Variants in GNPTAB observed in about 807,000 individuals in gnomAD.
GNPTAB encodes the protein N-acetylglucosamine-1-phosphotransferase subunits alpha/beta.
Under a neutral mutation model 136.6 loss-of-function variants are expected in GNPTAB, and 92 were observed. The ratio of observed to expected loss-of-function variants is 0.67; its 90% CI spans 0.57 to 0.80. The LOEUF (loss-of-function observed/expected upper bound fraction) is 0.80, where lower values mean the gene tolerates loss of function less well. Among genes scored for constraint, GNPTAB ranks in the 30% least tolerant of loss-of-function variants. The pLI is 0.00. For synonymous variants in GNPTAB, 512 were observed against 535.1 expected, an observed-to-expected ratio of 0.96 and a Z score of 0.60; for missense variants, 1,343 against 1,501.8, an observed-to-expected ratio of 0.89 and a Z score of 1.75.
Position 101,764,777 on chromosome 12 carries a change from A to G in GNPTAB, c.2140T>C (p.Leu714=), listed in dbSNP as rs761690839. Residue 714 remains leucine, a synonymous_variant, in exon 13 of 21, where the codon TTG becomes CTG. Transcript: ENST00000299314. ...TCTCCATGTTCCAGTTGCAAATCCAAGGTATTGAGACTCAACTGGGCGTCT... is the reference window on the plus strand; with the variant it reads ...TCTCCATGTTCCAGTTGCAAATCCAGGGTATTGAGACTCAACTGGGCGTCT... ...PKDAQLSLNT[L]DLQLEHGDIT... 29 of 1,614,186 alleles carry G rather than the reference A, an allele frequency of 1.8e-5. No individual in the cohort carries two copies. The highest frequency in any genetic ancestry group is 2.4e-5 in the Non-Finnish European group (28 of 1,180,020).
chr12:101,765,739 C>A (rs1222819066), intron 12 of GNPTAB: 2 of 354,168 alleles, frequency 5.6e-6, no homozygotes, highest in Non-Finnish European at 1.1e-5. Flanking sequence ...AAACAAACTC[C>A]ATTAATACGC....
At position 101,746,906 on chromosome 12, in the gene GNPTAB, A is replaced by C; in HGVS notation, c.*258T>G. On this transcript the variant is annotated 3_prime_UTR_variant, in exon 21 of 21. Transcript: ENST00000299314. ...GTCTCTTGTCAGTGAGCCTTTTTAT[A>C]AAAAGGATGACAGGTCCATGAGCAA... The C allele has an allele frequency of 2.4e-6, 1 of 416,072 alleles. No homozygotes were observed. Among genetic ancestry groups the C allele is most frequent in the Non-Finnish European group, 4.4e-6 (1 of 227,700 alleles). The allele number at this position is 416,072 out of a possible 1,614,324, so 25.8% of individuals were successfully genotyped here.
Position 101,789,991 on chromosome 12 carries a change from C to T in GNPTAB, c.270G>A (p.Leu90=), listed in dbSNP as rs1273597710. Residue 90 remains leucine (L), a synonymous_variant, in exon 3 of 21, where the codon CTG becomes CTA. Transcript: ENST00000299314. ...GTTCTCTGACCTGCTGTAGTTCCTT[C>T]AGTAGTTCAAGATCTGTGCCATTCA... is the stretch of plus-strand genomic sequence containing the variant. ...TWVNGTDLEL[L]KELQQVREQM... is the part of the protein sequence containing the mutation. 2 of 1,614,178 alleles carry T rather than the reference C, an allele frequency of 1.2e-6. No homozygotes were observed. The highest frequency in any genetic ancestry group is 1.7e-6 in the Non-Finnish European group (2 of 1,180,018).
intron 7 of GNPTAB, chr12:101,773,153 C>A: frequency 3.8e-6 from 1 of 260,940 alleles, no homozygotes; most frequent in South Asian, 3.6e-5. Context: ...CTGGTTCAAT[C>A]ACAGCTTCGT....
intron 5 of GNPTAB, among the ~76,000 whole-genome samples, chr12:101,783,930 C>A (rs1218412590): frequency 6.6e-6 from 1 of 151,070 alleles, no homozygotes; most frequent in Non-Finnish European, 1.5e-5. Context: ...GTTACCAAGT[C>A]TGGTTTTGAA....
chr12:101,760,009 A>C, intron 16 of GNPTAB, 21 bp downstream of exon 16: 8 of 1,363,536 alleles, frequency 5.9e-6, no homozygotes, highest in African/African-American at 1.4e-5. Context: ...GTTGTACATA[A>C]AAGTAACCCA....
chr12:101,787,136 C>A (rs1045956428), intron 4 of GNPTAB, among the ~76,000 whole-genome samples: 4 of 152,104 alleles, frequency 2.6e-5, no homozygotes, highest in African/African-American at 9.7e-5. Flanking sequence ...CTAGTCCAGT[C>A]CAAGTAGGGA....
chr12:101,767,978 ATGAT>A, intron 11 of GNPTAB, 55 bp downstream of exon 11: 1 of 1,554,964 alleles, frequency 6.4e-7, no homozygotes, highest in Non-Finnish European at 8.9e-7. Flanking sequence ...ATGTTCAATA[ATGAT>A]TAAGAAGAAA....
chr12:101,823,190 T>C (rs1258877658), intron 1 of GNPTAB, among the ~76,000 whole-genome samples: 1 of 152,202 alleles, frequency 6.6e-6, no homozygotes, highest in Non-Finnish European at 1.5e-5. Flanking sequence ...TCTGAAACTA[T>C]ATCTGGGCTT....
chr12:101,788,749 T>G (rs1868815807), intron 3 of GNPTAB, among the ~76,000 whole-genome samples, 160 bp from the exon 4 acceptor site: 1 of 152,188 alleles, frequency 6.6e-6, no homozygotes, highest in African/African-American at 2.4e-5. Flanking sequence ...TCATATAACC[T>G]CTAACAAAGA....
At chr12:101,755,671 C>T (rs995312667) in intron 18 of GNPTAB, among the ~76,000 whole-genome samples, 2 of 152,178 alleles carry the variant, frequency 1.3e-5, no homozygotes, top group Non-Finnish European at 2.9e-5. Flanking sequence ...ATAAACATGT[C>T]CTTAAAGCTG....
At chr12:101,819,569 G>A (rs953520161) in intron 1 of GNPTAB, among the ~76,000 whole-genome samples, 1 of 152,214 alleles carries the variant, frequency 6.6e-6, no homozygotes, top group South Asian at 2.1e-4. Flanking sequence ...GCAATTTTGA[G>A]AAGTAATCTT....
At chr12:101,777,240 T>C (rs1041804362) in intron 7 of GNPTAB, among the ~76,000 whole-genome samples, 2 of 152,232 alleles carry the variant, frequency 1.3e-5, no homozygotes, top group Non-Finnish European at 2.9e-5. Context: ...TGGGAACGTC[T>C]TACTGGGCTA....
intron 18 of GNPTAB, among the ~76,000 whole-genome samples, chr12:101,754,421 A>G (rs1465153662): frequency 6.6e-6 from 1 of 151,542 alleles, no homozygotes; most frequent in East Asian, 2.0e-4. Context: ...ATAAAGCGAG[A>G]CTCTGTCTCA....
intron 5 of GNPTAB, among the ~76,000 whole-genome samples, chr12:101,781,345 G>A (rs1397910085): frequency 1.3e-5 from 2 of 152,116 alleles, no homozygotes; most frequent in African/African-American, 4.8e-5. Context: ...GATGAGATGA[G>A]ATGTCAATCC....
At chr12:101,798,894 C>G (rs1012179811) in intron 1 of GNPTAB, among the ~76,000 whole-genome samples, 10 of 152,202 alleles carry the variant, frequency 6.6e-5, no homozygotes, top group Non-Finnish European at 1.2e-4. Context: ...TTAGAAAGTG[C>G]CACTAGTGCC....
intron 1 of GNPTAB, among the ~76,000 whole-genome samples, chr12:101,826,416 C>T (rs1871085675): frequency 6.6e-6 from 1 of 152,104 alleles, no homozygotes; most frequent in South Asian, 2.1e-4. Context: ...ATTAGTAATC[C>T]TGAAATCCAA....
chr12:101,784,490 A>G (rs1868517291), intron 5 of GNPTAB, among the ~76,000 whole-genome samples: 1 of 152,214 alleles, frequency 6.6e-6, no homozygotes, highest in Non-Finnish European at 1.5e-5. Context: ...ATGAACTGCT[A>G]TATTATTCTT....
At chr12:101,799,602 T>C (rs1427828195) in intron 1 of GNPTAB, among the ~76,000 whole-genome samples, 2 of 152,106 alleles carry the variant, frequency 1.3e-5, no homozygotes, top group Non-Finnish European at 2.9e-5. Flanking sequence ...CAAGGCTTGA[T>C]GGAAAAAAAT....
Sources: allele counts gnomAD v4.1 joint callset (sites outside exome capture counted in the v4.1 genomes callset), GRCh38; gene constraint gnomAD v4.1.1; transcripts MANE v1.5; gene names NCBI Gene and HGNC (gene_info 2026-07-23, HGNC 2026-07-21).